Variants in TRIM10 observed in about 807,000 individuals in gnomAD.
TRIM10 encodes the protein tripartite motif containing 10.
TRIM10 carries 42 observed loss-of-function variants against 40.0 expected under a neutral mutation model. The observed-to-expected ratio is 1.05, with a 90% CI of 0.82 to 1.36. The LOEUF is 1.36. Among genes scored for constraint, TRIM10 ranks in the 40% most tolerant of loss-of-function variants. The probability of loss-of-function intolerance (pLI) is 0.00; values close to 1 mark genes in which losing one functional copy is unlikely to be tolerated. For synonymous variants in TRIM10, 260 were observed against 239.5 expected (o/e 1.09, Z -0.79); for missense variants, 601 against 608.3 (o/e 0.99, Z 0.13).
rs1772219225 is a variant in TRIM10 at position 30,153,632 on chromosome 6, G to T, written c.*337C>A. 13 of 1,463,582 alleles carry T rather than the reference G, an allele frequency of 8.9e-6. No homozygotes were observed. The highest frequency in any genetic ancestry group is 2.8e-5 in the African/African-American group (2 of 72,060). 90.7% of individuals were successfully genotyped at this position (1,463,582 alleles called of 1,614,324 possible). ...ATGCCTTGTTTAAAGTCATACAACT[G>T]GTTGACAGGCTGGTTCAAGAACCCA... On this transcript the variant is annotated 3_prime_UTR_variant, in exon 7 of 7. Coordinates refer to ENST00000449742, the MANE Select transcript of TRIM10 (RefSeq NM_006778.4).
intron 6 of TRIM10, among the ~76,000 whole-genome samples, chr6:30,155,289 T>C (rs970681717): frequency 6.6e-6 from 1 of 151,960 alleles, no homozygotes; most frequent in Non-Finnish European, 1.5e-5. Flanking sequence ...AAATGACATC[T>C]GAGAGGAAGC....
upstream of TRIM10, among the ~76,000 whole-genome samples, chr6:30,161,614 T>C (rs1024514360): frequency 6.6e-6 from 1 of 152,244 alleles, no homozygotes; most frequent in Non-Finnish European, 1.5e-5. Flanking sequence ...TATGATCTTA[T>C]TTCTGTGTCT....
At chr6:30,157,663 T>TCTTTC (rs1490915339) in intron 3 of TRIM10, among the ~76,000 whole-genome samples, 2 of 143,186 alleles carry the variant, frequency 1.4e-5, no homozygotes, top group African/African-American at 5.1e-5. Context: ...TTTTCTTTTT[T>TCTTTC]TTTTTTTTTT....
chr6:30,157,102 T>C (rs60311883), intron 4 of TRIM10, 48 bp from the exon 5 acceptor site: 26,046 of 1,564,210 alleles, frequency 0.017, 355 homozygotes, highest in African/African-American at 0.047. Flanking sequence ...TCCTTAATAA[T>C]GTCTCCAGAC....
chr6:30,157,511 G>C, intron 3 of TRIM10, 120 bp from the exon 4 acceptor site: 1 of 1,093,834 alleles, frequency 9.1e-7, no homozygotes, highest in South Asian at 1.6e-5. Context: ...TTTGAGAAAG[G>C]GTCTCACTCT....
chr6:30,154,590 C>A, intron 6 of TRIM10, 104 bp from the exon 7 acceptor site: 1 of 1,438,708 alleles, frequency 7.0e-7, no homozygotes, highest in Non-Finnish European at 9.6e-7. Flanking sequence ...TTATTATTAC[C>A]AAAAACATGT....
chr6:30,163,759 T>C, upstream of TRIM10: 1 of 1,613,006 alleles, frequency 6.2e-7, no homozygotes, highest in Non-Finnish European at 8.5e-7. Flanking sequence ...CGCTGGAGGA[T>C]GCGGTGACCA....
rs745554277 is a variant in TRIM10, at chr6:30,158,473, C to A, written c.682G>T (p.Glu228Ter). The change falls in exon 3 of 7, where the codon GAG (glutamate) becomes TAG (stop). Residue 228 changes from glutamate to a stop codon, truncating the protein, a stop_gained. Coordinates refer to ENST00000449742, the MANE Select transcript of TRIM10 (RefSeq NM_006778.4). LOFTEE classifies it high-confidence loss of function. ...ATAAGAGCACTAAACCGGCAGATCTCCCCAGCAACCAGCAAATCAAATTCA... is the reference window on the plus strand; with the variant it reads ...ATAAGAGCACTAAACCGGCAGATCTACCCAGCAACCAGCAAATCAAATTCA... Reference protein sequence around the residue: ...RDEFDLLVAGEICRFSALIEE... With the variant: ...RDEFDLLVAG The A allele has an allele frequency of 6.2e-7, 1 of 1,613,110 alleles. No individual in the cohort carries two copies. Among genetic ancestry groups the A allele is most frequent in the South Asian group, 1.1e-5 (1 of 91,078 alleles).
Position 30,160,832 on chromosome 6 carries a change from G to A in TRIM10, c.27C>T (p.Ser9=). Residue 9 remains serine (S), a synonymous_variant, in exon 1 of 7, where the codon AGC becomes AGT. Transcript: ENST00000449742. Reference sequence around the variant, plus strand: ...TGGGGCAGTTGACTTCATCTGCCAGGCTGGTCACAGAGGCAGCAGAGGCCA... The same window carrying A: ...TGGGGCAGTTGACTTCATCTGCCAGACTGGTCACAGAGGCAGCAGAGGCCA... MASAASVT[S]LADEVNCPIC... The A allele has an allele frequency of 1.2e-6, 2 of 1,612,278 alleles. No homozygotes were observed. Among genetic ancestry groups the A allele is most frequent in the South Asian group, 2.2e-5 (2 of 91,012 alleles).
At position 30,160,607 on chromosome 6, in the gene TRIM10, G is replaced by A; in HGVS notation, c.252C>T (p.Arg84=). The A allele has an allele frequency of 6.2e-7, 1 of 1,614,218 alleles. No individual in the cohort carries two copies. Among genetic ancestry groups the A allele is most frequent in the South Asian group, 1.1e-5 (1 of 91,088 alleles). Residue 84 remains arginine, a synonymous_variant, in exon 1 of 7, where the codon CGC becomes CGT. Coordinates refer to ENST00000449742, the MANE Select transcript of TRIM10 (RefSeq NM_006778.4). ...AACCCAGTGTGGACACCAGCTGGAGGCGCTCAATGTTCTCCACCACGTTAG... is the reference window on the plus strand; with the variant it reads ...AACCCAGTGTGGACACCAGCTGGAGACGCTCAATGTTCTCCACCACGTTAG... ...QLANVVENIE[R]LQLVSTLGLG...
intron 6 of TRIM10, 84 bp downstream of exon 6, chr6:30,155,643 C>A: frequency 8.1e-7 from 1 of 1,239,186 alleles, no homozygotes; most frequent in Non-Finnish European, 1.2e-6. Context: ...ATAGTCATAA[C>A]ATAGTCATAG....
At chr6:30,158,760 A>G (rs116497639) in intron 2 of TRIM10, 131 bp from the exon 3 acceptor site, 14,943 of 770,288 alleles carry the variant, frequency 0.019, 246 homozygotes, top group African/African-American at 0.047. Context: ...TCCCATTTCG[A>G]GAAGCAAGAC....
rs764016875 is a variant in TRIM10 at position 30,154,269 on chromosome 6, GCCCACGGTGCAGCTGCC to G, written c.1129_1145del (p.Gly377ArgfsTer54). ...TCCGCTGCACATCCTCGCTCACCAC[GCCCACGGTGCAGCTGCC>G]CCCATGGGCCAGGTCTATACTCACC... is the stretch of plus-strand genomic sequence containing the variant. On this transcript the variant is annotated frameshift_variant, in exon 7 of 7. Transcript: ENST00000449742. LOFTEE classifies it high-confidence loss of function. 144 of 1,612,862 alleles carry G rather than the reference GCCCACGGTGCAGCTGCC, an allele frequency of 8.9e-5. No individual in the cohort carries two copies. Among genetic ancestry groups the G allele is most frequent in the Non-Finnish European group, 1.1e-4 (131 of 1,180,006 alleles).
Position 30,158,645 on chromosome 6 carries a change from G to A in TRIM10, c.526-16C>T, listed in dbSNP as rs763921171. 15 of 1,608,530 alleles carry A rather than the reference G, an allele frequency of 9.3e-6. No individual in the cohort carries two copies. The highest frequency in any genetic ancestry group is 1.3e-5 in the Non-Finnish European group (15 of 1,176,026). Reference sequence around the variant, plus strand: ...ACACCTGAGTCTGAGGGGGCAGGAGGCAAGCCCAAGAGAAAGTTTGCTTCC... The same window carrying A: ...ACACCTGAGTCTGAGGGGGCAGGAGACAAGCCCAAGAGAAAGTTTGCTTCC... On this transcript the variant is annotated splice_polypyrimidine_tract_variant and intron_variant, in intron 2 of 6. Transcript: ENST00000449742.
At chr6:30,155,275 T>C (rs1772422973) in intron 6 of TRIM10, among the ~76,000 whole-genome samples, 1 of 152,140 alleles carries the variant, frequency 6.6e-6, no homozygotes, top group South Asian at 2.1e-4. Context: ...TTCTGTCATC[T>C]GTGAAATGAC....
chr6:30,157,306 G>A (rs906162604), intron 4 of TRIM10, 63 bp downstream of exon 4: 2 of 1,426,240 alleles, frequency 1.4e-6, no homozygotes, highest in Non-Finnish European at 9.7e-7. Context: ...GCAATAACTA[G>A]GCATGCAGTA....
Position 30,154,382 on chromosome 6 carries a change from G to T in TRIM10, c.1033C>A (p.Pro345Thr), listed in dbSNP as rs754026419. The T allele has an allele frequency of 2.4e-5, 39 of 1,612,896 alleles. No homozygotes were observed. The highest frequency in any genetic ancestry group is 1.0e-4 in the Admixed American group (6 of 60,004). ...CAGGTGGCCCGGTCAAAACGTTGGG[G>T]GTTGTCTGGTGAGTTCTGCCATTTG... is the stretch of plus-strand genomic sequence containing the variant. ...SYKWQNSPDN[P>T]QRFDRATCVL... is the part of the protein sequence containing the mutation. The change falls in exon 7 of 7, where the codon CCC becomes ACC. Residue 345 changes from proline (P) to threonine (T), a missense_variant. Coordinates refer to ENST00000449742, the MANE Select transcript of TRIM10 (RefSeq NM_006778.4).
chr6:30,154,653 T>C (rs1772359635), intron 6 of TRIM10, 167 bp from the exon 7 acceptor site: 3 of 830,782 alleles, frequency 3.6e-6, no homozygotes, highest in Non-Finnish European at 6.0e-6. Context: ...TTGTTAGATA[T>C]ACGCTCTCAG....
chr6:30,154,683 T>A (rs1436209994), intron 6 of TRIM10, 197 bp from the exon 7 acceptor site: 4 of 743,960 alleles, frequency 5.4e-6, no homozygotes, highest in Non-Finnish European at 9.4e-6. Context: ...CCTAACAAGA[T>A]GCCCAGGTGA....
Sources: gnomAD v4.1 joint callset for allele counts (sites outside exome capture counted in the v4.1 genomes callset) on GRCh38, gnomAD v4.1.1 for gene constraint, MANE v1.5 for transcripts, NCBI Gene and HGNC (gene_info 2026-07-23, HGNC 2026-07-21) for gene names.